Variants in PCDHGA11 observed in about 807,000 individuals in gnomAD.
PCDHGA11 encodes the protein protocadherin gamma-A11.
In PCDHGA11, 39 loss-of-function variants were observed where a neutral mutation model predicts 60.4. The observed-to-expected ratio is 0.65, with a 90% CI of 0.50 to 0.84. The LOEUF (loss-of-function observed/expected upper bound fraction) is 0.84, where lower values mean the gene tolerates loss of function less well. Among genes scored for constraint, PCDHGA11 ranks in the 40% least tolerant of loss-of-function variants. The probability of loss-of-function intolerance (pLI) is 0.00; values close to 1 mark genes in which losing one functional copy is unlikely to be tolerated. For synonymous variants in PCDHGA11, 533 were observed against 510.3 expected (o/e 1.04, Z -0.60); for missense variants, 1,165 against 1,197.7 (o/e 0.97, Z 0.40).
chr5:141,500,574 G>A (rs2099801457), intron 2 of PCDHGA11, among the ~76,000 whole-genome samples: 1 of 152,164 alleles, frequency 6.6e-6, no homozygotes, highest in African/African-American at 2.4e-5. Context: ...ACACTTTCAT[G>A]TGACACTTTA....
In PCDHGA11 at chr5:141,491,144, TGGA is replaced by T. The variant is rs757881044; in HGVS notation, c.2434-3659_2434-3657del. ...GAGGTGCGCACAGCCCGGGCCTTAC[TGGA>T]GGATGACTCTGACACCCAGCAGGTG... On this transcript the variant is annotated intron_variant, in intron 1 of 3. Coordinates refer to ENST00000398587, the MANE Select transcript of PCDHGA11 (RefSeq NM_018914.3). This position sits in a 1 kb window ranked among gnomAD's most constrained non-coding sequence, Gnocchi z 6.9. The T allele has an allele frequency of 1.2e-6, 2 of 1,614,158 alleles. No individual in the cohort carries two copies. The highest frequency in any genetic ancestry group is 2.2e-5 in the South Asian group (2 of 91,086).
intron 1 of PCDHGA11, among the ~76,000 whole-genome samples, chr5:141,424,979 T>G (rs565208060): frequency 1.4e-4 from 22 of 152,322 alleles, no homozygotes; most frequent in African/African-American, 4.6e-4. Flanking sequence ...CTTGGATATT[T>G]ATGTTCCCTT....
chr5:141,436,958 G>C (rs2097855854), intron 1 of PCDHGA11, among the ~76,000 whole-genome samples: 1 of 152,124 alleles, frequency 6.6e-6, no homozygotes, highest in Non-Finnish European at 1.5e-5. Context: ...ATCTAAACAA[G>C]GATCTTGTGA....
chr5:141,472,795 G>A (rs939788734), intron 1 of PCDHGA11, among the ~76,000 whole-genome samples: 1 of 151,794 alleles, frequency 6.6e-6, no homozygotes, highest in Non-Finnish European at 1.5e-5. Flanking sequence ...AGATCAGCCT[G>A]ACCAACATGG....
chr5:141,466,494 G>C (rs1186331329), intron 1 of PCDHGA11, among the ~76,000 whole-genome samples: 4 of 152,134 alleles, frequency 2.6e-5, no homozygotes. Context: ...TCTTTAATTA[G>C]AGCACAGACA....
At chr5:141,426,814 T>C (rs2096962370) in intron 1 of PCDHGA11, 1 of 456,592 alleles carries the variant, frequency 2.2e-6, no homozygotes, top group Admixed American at 2.3e-5. Flanking sequence ...AATGAACATT[T>C]CTCTCTGATG....
chr5:141,450,489 CTGTT>C (rs1372781820), intron 1 of PCDHGA11, among the ~76,000 whole-genome samples: 4 of 150,280 alleles, frequency 2.7e-5, no homozygotes, highest in Non-Finnish European at 2.9e-5. Context: ...GTTTGTTTGT[CTGTT>C]TGTTTGTTTT....
intron 1 of PCDHGA11, among the ~76,000 whole-genome samples, chr5:141,482,410 T>G (rs1054330181): frequency 2.3e-4 from 35 of 151,890 alleles, no homozygotes; most frequent in Non-Finnish European, 1.0e-4. Flanking sequence ...AATAACTATT[T>G]GTTGAACTAA....
chr5:141,474,083 A>G (rs771906750), intron 1 of PCDHGA11, among the ~76,000 whole-genome samples: 2 of 152,190 alleles, frequency 1.3e-5, no homozygotes, highest in African/African-American at 2.4e-5. Flanking sequence ...AACAAAAACC[A>G]AAAAACAAAC....
intron 1 of PCDHGA11, among the ~76,000 whole-genome samples, chr5:141,492,586 G>C (rs1451055991): frequency 6.6e-6 from 1 of 152,220 alleles, no homozygotes; most frequent in Admixed American, 6.5e-5. Context: ...GGGGCCAGGA[G>C]CGCTGGAGCG....
chr5:141,486,284 C>G lies in PCDHGA11; in HGVS notation c.2434-8523C>G, dbSNP rs1259853159. ...TGCAGAACCTGGCACTGTGGTGGCA[C>G]TTATCAGTGTGCAGGATCCAGACTC... On this transcript the variant is annotated intron_variant, in intron 1 of 3. Transcript: ENST00000398587. This position sits in a 1 kb window ranked among gnomAD's most constrained non-coding sequence, Gnocchi z 5.0. The G allele has an allele frequency of 6.2e-7, 1 of 1,614,050 alleles. No homozygotes were observed. The highest frequency in any genetic ancestry group is 8.5e-7 in the Non-Finnish European group (1 of 1,179,988).
At chr5:141,457,230 A>G (rs1248092452) in intron 1 of PCDHGA11, among the ~76,000 whole-genome samples, 2 of 152,174 alleles carry the variant, frequency 1.3e-5, no homozygotes, top group African/African-American at 4.8e-5. Flanking sequence ...GGTAATTTCC[A>G]TCTAAAATTT....
chr5:141,497,793 G>A (rs2099779480), intron 2 of PCDHGA11, among the ~76,000 whole-genome samples: 1 of 152,180 alleles, frequency 6.6e-6, no homozygotes, highest in Admixed American at 6.5e-5. Flanking sequence ...ACCTGCTTCA[G>A]CTTCCCAAAG....
intron 2 of PCDHGA11, among the ~76,000 whole-genome samples, chr5:141,497,522 G>A (rs998999424): frequency 3.3e-5 from 5 of 150,848 alleles, no homozygotes; most frequent in African/African-American, 4.9e-5. Flanking sequence ...TAGTTAACTT[G>A]TGGAGGATGC....
Position 141,485,138 on chromosome 5 carries a change from T to A in PCDHGA11, c.2434-9669T>A, listed in dbSNP as rs374309554. On this transcript the variant is annotated intron_variant, in intron 1 of 3. Coordinates refer to ENST00000398587, the MANE Select transcript of PCDHGA11 (RefSeq NM_018914.3). This position sits in a 1 kb window ranked among gnomAD's most constrained non-coding sequence, Gnocchi z 5.7. ...TTGGGGCGGGTCGGCTTCATCCGCG[T>A]CTCAGGAGCAAGTAGAGAATTAGCG... is the stretch of plus-strand genomic sequence containing the variant. 17 of 1,528,690 alleles carry A rather than the reference T, an allele frequency of 1.1e-5. No individual in the cohort carries two copies. The highest frequency in any genetic ancestry group is 1.3e-5 in the Non-Finnish European group (14 of 1,109,458). 94.7% of individuals were successfully genotyped at this position (1,528,690 alleles called of 1,614,324 possible).
At position 141,490,776 on chromosome 5, in the gene PCDHGA11, G is replaced by A. The variant is rs1234115299; in HGVS notation, c.2434-4031G>A. 4.3e-6 allele frequency: 7 copies of A among 1,614,162 alleles called. No individual in the cohort carries two copies. Among genetic ancestry groups the A allele is most frequent in the African/African-American group, 1.3e-5 (1 of 75,066 alleles). On this transcript the variant is annotated intron_variant, in intron 1 of 3. Transcript: ENST00000398587. This position sits in a 1 kb window ranked among gnomAD's most constrained non-coding sequence, Gnocchi z 5.4. ...CCTCCTTTGTGTATGTCAACCCAGA[G>A]GATGGACGGATCTTTGCCCAGCGTA...
chr5:141,463,446 T>TC, intron 1 of PCDHGA11, among the ~76,000 whole-genome samples: 1 of 125,012 alleles, frequency 8.0e-6, no homozygotes, highest in Non-Finnish European at 1.7e-5. Flanking sequence ...TCCTTTTTTT[T>TC]TTTTTTTTTT....
intron 1 of PCDHGA11, chr5:141,478,141 C>T (rs770862398): frequency 6.2e-7 from 1 of 1,614,044 alleles, no homozygotes; most frequent in Non-Finnish European, 8.5e-7. Context: ...AAGCCCGAGC[C>T]GAGTTCCCCT....
At chr5:141,461,738 C>A (rs2099021378) in intron 1 of PCDHGA11, among the ~76,000 whole-genome samples, 1 of 150,904 alleles carries the variant, frequency 6.6e-6, no homozygotes. Flanking sequence ...TGGCACAATC[C>A]CGGCTCCCAG....
Sources: allele counts gnomAD v4.1 joint callset (sites outside exome capture counted in the v4.1 genomes callset), GRCh38; gene constraint gnomAD v4.1.1; non-coding constraint Gnocchi (gnomAD v3.1); transcripts MANE v1.5; gene names NCBI Gene and HGNC (gene_info 2026-07-23, HGNC 2026-07-21).